DGKI: variants seen among roughly 807,000 people sequenced by gnomAD.
DGKI encodes diacylglycerol kinase iota, also known as DAG kinase iota.
DGKI carries 55 observed loss-of-function variants against 147.5 expected under a neutral mutation model. The ratio of observed to expected loss-of-function variants is 0.37; its 90% CI spans 0.30 to 0.47. The LOEUF is 0.47. Among genes scored for constraint, DGKI ranks in the 20% least tolerant of loss-of-function variants. The probability of loss-of-function intolerance (pLI) is 1.00; values close to 1 mark genes in which losing one functional copy is unlikely to be tolerated. For missense variants in DGKI, 1,007 were observed against 1,323.8 expected (o/e 0.76, Z 3.71); for synonymous variants, 469 against 477.1 (o/e 0.98, Z 0.22).
chr7:137,445,558 AC>A (rs778733248), intron 27 of DGKI, among the ~76,000 whole-genome samples: 16 of 152,092 alleles, frequency 1.1e-4, no homozygotes, highest in Non-Finnish European at 1.6e-4. Flanking sequence ...CTGGGTTGTA[AC>A]CCCCTTGAAA....
intron 10 of DGKI, 25 bp downstream of exon 10, chr7:137,608,941 T>C (rs532851008): frequency 3.2e-6 from 5 of 1,560,322 alleles, no homozygotes; most frequent in African/African-American, 2.7e-5. Context: ...AACTTCTAAG[T>C]TGAAAATCAT....
chr7:137,821,395 A>G (rs187184286), intron 1 of DGKI, among the ~76,000 whole-genome samples: 28 of 152,308 alleles, frequency 1.8e-4, no homozygotes, highest in Admixed American at 7.2e-4. Flanking sequence ...ACCCCTGGTC[A>G]CAGACAGAGA....
At chr7:137,539,164 C>T (rs754484211) in intron 20 of DGKI, among the ~76,000 whole-genome samples, 3 of 152,204 alleles carry the variant, frequency 2.0e-5, no homozygotes, top group Non-Finnish European at 4.4e-5. Flanking sequence ...GGGGCTTCCT[C>T]TCTAATCACA....
intron 1 of DGKI, among the ~76,000 whole-genome samples, chr7:137,764,583 C>T (rs1324979618): frequency 6.6e-6 from 1 of 152,188 alleles, no homozygotes; most frequent in African/African-American, 2.4e-5. Flanking sequence ...AGACCACTCA[C>T]CACCCCAAAA....
intron 1 of DGKI, among the ~76,000 whole-genome samples, chr7:137,737,176 C>G (rs1186685680): frequency 1.1e-5 from 1 of 89,340 alleles, no homozygotes; most frequent in Non-Finnish European, 2.1e-5. Flanking sequence ...AGTTTTACTT[C>G]AAAGCATTCA....
chr7:137,517,252 A>AAGAAAG lies in DGKI; in HGVS notation c.2248+4613_2248+4614insCTTTCT, dbSNP rs1554421179. Among the ~76,000 whole-genome samples the AAGAAAG allele has an allele frequency of 1.8e-3, 232 of 129,052 alleles. 6 individuals are homozygous for AAGAAAG. Among genetic ancestry groups the AAGAAAG allele is most frequent in the Admixed American group, 8.0e-3 (100 of 12,468 alleles). 84.7% of individuals were successfully genotyped at this position (129,052 alleles called of 152,430 possible). A position where few individuals can be genotyped will look rare whatever the true frequency, so the allele number is the denominator to read the frequency against. The stretch of plus-strand genomic sequence containing the variant: ...AAGAAAGAAAGAAAGAAAGAAAAGA[A>AAGAAAG]AAAGAAAGAAAGAAAGAAAGAAAAG... On this transcript the variant is annotated intron_variant, in intron 21 of 32. Transcript: ENST00000614521.
At chr7:137,482,398 C>G (rs1330309856) in intron 23 of DGKI, among the ~76,000 whole-genome samples, 1 of 151,902 alleles carries the variant, frequency 6.6e-6, no homozygotes, top group East Asian at 1.9e-4. Flanking sequence ...GGGCCCTCCT[C>G]TTTAACTGAA....
intron 14 of DGKI, among the ~76,000 whole-genome samples, chr7:137,584,166 A>G (rs1020153896): frequency 2.0e-5 from 3 of 152,192 alleles, no homozygotes; most frequent in African/African-American, 7.2e-5. Flanking sequence ...GGTTCACTAT[A>G]ATTGGGATAC....
intron 1 of DGKI, among the ~76,000 whole-genome samples, chr7:137,694,964 C>T (rs1428164148): frequency 1.3e-5 from 2 of 152,126 alleles, no homozygotes; most frequent in South Asian, 2.1e-4. Context: ...TTTTAATGTA[C>T]ATTGAAATGT....
At chr7:137,521,484 G>C (rs889336102) in intron 21 of DGKI, among the ~76,000 whole-genome samples, 1 of 152,060 alleles carries the variant, frequency 6.6e-6, no homozygotes, top group African/African-American at 2.4e-5. Flanking sequence ...TGACGAATGA[G>C]GGCAGTGTTT....
At chr7:137,481,508 G>A (rs1413913391) in intron 23 of DGKI, among the ~76,000 whole-genome samples, 2 of 152,098 alleles carry the variant, frequency 1.3e-5, no homozygotes, top group Admixed American at 1.3e-4. Context: ...AATGCTATTA[G>A]GATGGAGGGG....
rs1795860540 is a variant in DGKI at position 137,761,674 on chromosome 7, C to G, written c.402-71672G>C. Among the ~76,000 whole-genome samples the G allele has an allele frequency of 1.3e-5, 2 of 152,180 alleles. 1 individual carries two copies. Among genetic ancestry groups the G allele is most frequent in the Admixed American group, 1.3e-4 (2 of 15,284 alleles). ...TCTTTCATAGAATGGTCCACAGATT[C>G]CTGTTCTGGACCATCTGTTCCTCTC... On this transcript the variant is annotated intron_variant, in intron 1 of 32. Transcript: ENST00000614521.
At chr7:137,818,159 C>G (rs958468254) in intron 1 of DGKI, among the ~76,000 whole-genome samples, 4 of 152,182 alleles carry the variant, frequency 2.6e-5, no homozygotes, top group South Asian at 2.1e-4. Flanking sequence ...GAAATACACC[C>G]AACCCGAAAG....
chr7:137,431,379 G>A (rs1189906133), intron 28 of DGKI, among the ~76,000 whole-genome samples: 1 of 152,054 alleles, frequency 6.6e-6, no homozygotes, highest in African/African-American at 2.4e-5. Flanking sequence ...ATAATCATTG[G>A]CACTTTGCAT....
chr7:137,467,088 C>A, intron 24 of DGKI, 146 bp from the exon 25 acceptor site: 1 of 733,670 alleles, frequency 1.4e-6, no homozygotes, highest in Non-Finnish European at 2.3e-6. Flanking sequence ...ATTAAGAAAA[C>A]CTCAGCACTT....
At chr7:137,692,663 G>A (rs527611512) in intron 1 of DGKI, among the ~76,000 whole-genome samples, 2 of 152,252 alleles carry the variant, frequency 1.3e-5, no homozygotes, top group Admixed American at 6.5e-5. Flanking sequence ...TGCAAGCCAC[G>A]TGTGTCTATG....
chr7:137,746,675 C>G (rs1439570467), intron 1 of DGKI, among the ~76,000 whole-genome samples: 2 of 152,060 alleles, frequency 1.3e-5, no homozygotes, highest in Non-Finnish European at 2.9e-5. Context: ...AAAGATGGAA[C>G]CGAGCTAAGA....
intron 15 of DGKI, among the ~76,000 whole-genome samples, chr7:137,581,319 C>T (rs1563096220): frequency 6.6e-6 from 1 of 152,156 alleles, no homozygotes; most frequent in Non-Finnish European, 1.5e-5. Flanking sequence ...ATCACCATTA[C>T]ATCCTATGCT....
At chr7:137,729,592 T>A (rs895406341) in intron 1 of DGKI, among the ~76,000 whole-genome samples, 20 of 152,140 alleles carry the variant, frequency 1.3e-4, no homozygotes, top group African/African-American at 4.6e-4. Context: ...ACTTCCAAGT[T>A]GTGCTTCCGG....
Sources: allele counts gnomAD v4.1 joint callset (sites outside exome capture counted in the v4.1 genomes callset), GRCh38; gene constraint gnomAD v4.1.1; transcripts MANE v1.5; gene names NCBI Gene and HGNC (gene_info 2026-07-23, HGNC 2026-07-21).